The following FBXL17 variants were observed in gnomAD, a reference collection of about 807,000 sequenced individuals.
The protein encoded by FBXL17 is F-box and leucine rich repeat protein 17.
FBXL17 carries 22 observed loss-of-function variants against 66.2 expected under a neutral mutation model. That is an observed-to-expected ratio of 0.33 (90% confidence interval 0.24 to 0.47). The LOEUF (loss-of-function observed/expected upper bound fraction) is 0.47, where lower values mean the gene tolerates loss of function less well. Ranked by LOEUF, FBXL17 falls within the 20% of genes least tolerant of loss-of-function variation. FBXL17 has a pLI of 1.00. For missense variants in FBXL17, 878 were observed against 948.2 expected, an observed-to-expected ratio of 0.93 and a Z score of 0.97; for synonymous variants, 474 against 400.5, an observed-to-expected ratio of 1.18 and a Z score of -2.19.
chr5:108,197,443 G>C (rs1047269765), intron 5 of FBXL17, among the ~76,000 whole-genome samples: 3 of 152,048 alleles, frequency 2.0e-5, no homozygotes, highest in African/African-American at 4.8e-5. Context: ...ACAAAATTTC[G>C]AACCAATTTC....
intron 1 of FBXL17, among the ~76,000 whole-genome samples, 197 bp from the exon 2 acceptor site, chr5:108,368,150 T>A (rs1012211652): frequency 6.6e-6 from 1 of 152,084 alleles, no homozygotes; most frequent in Admixed American, 6.6e-5. Flanking sequence ...ACTGATGTTA[T>A]ATTTTCTGTA....
intron 4 of FBXL17, among the ~76,000 whole-genome samples, chr5:108,312,380 A>T (rs73781321): frequency 0.05 from 7,574 of 152,150 alleles, 629 homozygotes; most frequent in African/African-American, 0.17. Context: ...TCTTTTTTCT[A>T]AACTTACATA....
At position 108,374,872 on chromosome 5, in the gene FBXL17, G is replaced by A. The variant is rs184420225; in HGVS notation, c.993+5827C>T. Among the ~76,000 whole-genome samples the A allele has an allele frequency of 6.0e-3, 912 of 152,158 alleles. 5 individuals carry two copies. The highest frequency in any genetic ancestry group is 9.2e-3 in the Non-Finnish European group (626 of 67,998). On this transcript the variant is annotated intron_variant, in intron 1 of 8. Coordinates refer to ENST00000542267, the MANE Select transcript of FBXL17 (RefSeq NM_001163315.3). ...CATATAGCAAAATCTATGGGATACAGAAACAAGTAACTACATTTAAAAAGA... is the reference window on the plus strand; with the variant it reads ...CATATAGCAAAATCTATGGGATACAAAAACAAGTAACTACATTTAAAAAGA...
intron 6 of FBXL17, among the ~76,000 whole-genome samples, chr5:108,047,417 C>T (rs1249469217): frequency 6.6e-6 from 1 of 152,194 alleles, no homozygotes; most frequent in Non-Finnish European, 1.5e-5. Context: ...CTTAAGCCTG[C>T]CAGGTCCCCA....
At chr5:108,138,799 T>A (rs191792410) in intron 6 of FBXL17, among the ~76,000 whole-genome samples, 170 of 152,110 alleles carry the variant, frequency 1.1e-3, no homozygotes, top group Non-Finnish European at 1.5e-3. Flanking sequence ...AAAAGAACCA[T>A]GAAATTCTGT....
At chr5:108,324,996 T>C (rs1759784179) in intron 4 of FBXL17, among the ~76,000 whole-genome samples, 1 of 151,458 alleles carries the variant, frequency 6.6e-6, no homozygotes, top group Non-Finnish European at 1.5e-5. Context: ...CCTAGAGGAG[T>C]CAAAGTCACA....
chr5:108,053,483 C>T (rs901159184), intron 6 of FBXL17, among the ~76,000 whole-genome samples: 1 of 151,876 alleles, frequency 6.6e-6, no homozygotes, highest in Non-Finnish European at 1.5e-5. Context: ...ACCTAGACAA[C>T]AGAGTGAGAC....
chr5:108,354,023 A>T (rs945724178), intron 3 of FBXL17, among the ~76,000 whole-genome samples: 1 of 152,220 alleles, frequency 6.6e-6, no homozygotes, highest in African/African-American at 2.4e-5. Context: ...GAGCATGCTT[A>T]ATCTGAAAAT....
intron 1 of FBXL17, among the ~76,000 whole-genome samples, chr5:108,379,805 C>A (rs1374283254): frequency 6.6e-6 from 1 of 152,176 alleles, no homozygotes; most frequent in Non-Finnish European, 1.5e-5. Flanking sequence ...CTAGCATTGA[C>A]AAAACTGCAA....
At chr5:107,875,415 C>A (rs529811777) in intron 8 of FBXL17, among the ~76,000 whole-genome samples, 1 of 152,306 alleles carries the variant, frequency 6.6e-6, no homozygotes, top group African/African-American at 2.4e-5. Context: ...TCCATTTTCT[C>A]CACAGAAATA....
intron 6 of FBXL17, among the ~76,000 whole-genome samples, chr5:108,115,394 G>A (rs990662044): frequency 6.6e-6 from 1 of 151,658 alleles, no homozygotes; most frequent in East Asian, 1.9e-4. Context: ...AAAAGCTCAC[G>A]CTATCATATA....
chr5:108,069,153 G>T (rs1748232435), intron 6 of FBXL17, among the ~76,000 whole-genome samples: 1 of 152,130 alleles, frequency 6.6e-6, no homozygotes, highest in Admixed American at 6.6e-5. Context: ...TTTGGGGGCA[G>T]AGCTAGGAGA....
chr5:108,009,960 G>A (rs983512951), intron 7 of FBXL17, among the ~76,000 whole-genome samples: 10 of 152,078 alleles, frequency 6.6e-5, no homozygotes, highest in Non-Finnish European at 1.0e-4. Context: ...ATTTTGTACC[G>A]AGGAAATCTA....
intron 7 of FBXL17, among the ~76,000 whole-genome samples, chr5:107,926,711 A>C (rs1750536207): frequency 6.6e-6 from 1 of 152,122 alleles, no homozygotes; most frequent in East Asian, 1.9e-4. Context: ...ATATGGAAGA[A>C]GAGAGTTGGG....
chr5:107,866,408 T>G (rs1023109255), intron 8 of FBXL17, among the ~76,000 whole-genome samples: 2 of 152,230 alleles, frequency 1.3e-5, no homozygotes, highest in African/African-American at 4.8e-5. Context: ...GATATTTTAA[T>G]CTATTTTGAG....
chr5:107,870,099 AGG>A (rs1748396452), intron 8 of FBXL17, among the ~76,000 whole-genome samples: 1 of 152,216 alleles, frequency 6.6e-6, no homozygotes, highest in Non-Finnish European at 1.5e-5. Flanking sequence ...AGAGGGAGCC[AGG>A]CATCAATATT....
chr5:107,876,534 A>C (rs927821349), intron 8 of FBXL17, among the ~76,000 whole-genome samples: 1 of 152,154 alleles, frequency 6.6e-6, no homozygotes, highest in Non-Finnish European at 1.5e-5. Flanking sequence ...AGAGGTTTCC[A>C]CCACGACACT....
At chr5:108,265,122 T>C (rs1027736244) in intron 4 of FBXL17, among the ~76,000 whole-genome samples, 4 of 152,032 alleles carry the variant, frequency 2.6e-5, no homozygotes, top group Non-Finnish European at 5.9e-5. Context: ...ATTTAAAAGT[T>C]TTCTCTTGTT....
At chr5:108,071,725 A>G (rs1390734325) in intron 6 of FBXL17, among the ~76,000 whole-genome samples, 2 of 152,034 alleles carry the variant, frequency 1.3e-5, no homozygotes, top group East Asian at 1.9e-4. Context: ...TGAATACTGC[A>G]TTTTCCCCTT....
Sources: gnomAD v4.1 joint callset for allele counts (sites outside exome capture counted in the v4.1 genomes callset) on GRCh38, gnomAD v4.1.1 for gene constraint, MANE v1.5 for transcripts, NCBI Gene and HGNC (gene_info 2026-07-23, HGNC 2026-07-21) for gene names.